Variants in OSBP2 observed in about 807,000 individuals in gnomAD.
OSBP2 encodes oxysterol binding protein 2, also known as oxysterol-binding protein 2.
In OSBP2, 66 loss-of-function variants were observed where a neutral mutation model predicts 96.0. The ratio of observed to expected loss-of-function variants is 0.69; its 90% CI spans 0.56 to 0.84. The LOEUF (loss-of-function observed/expected upper bound fraction) is 0.84, where lower values mean the gene tolerates loss of function less well. Ranked by LOEUF, OSBP2 falls within the 40% of genes least tolerant of loss-of-function variation. OSBP2 has a pLI of 0.00. For missense variants in OSBP2, 1,038 were observed against 1,222.7 expected (o/e 0.85, Z 2.25); for synonymous variants, 525 against 520.9 (o/e 1.01, Z -0.11).
chr22:30,819,912 C>T (rs2091127300), intron 2 of OSBP2, among the ~76,000 whole-genome samples: 1 of 152,230 alleles, frequency 6.6e-6, no homozygotes. Context: ...CTGCCCTCCT[C>T]TTCTTCAGCC....
At chr22:30,778,035 AC>A (rs966311385) in intron 2 of OSBP2, among the ~76,000 whole-genome samples, 4 of 151,992 alleles carry the variant, frequency 2.6e-5, no homozygotes, top group Admixed American at 2.6e-4. Flanking sequence ...TCACTCTGTC[AC>A]CCAGGCTAGA....
intron 12 of OSBP2, among the ~76,000 whole-genome samples, chr22:30,898,129 T>TAAGAGC (rs1410116769): frequency 1.3e-5 from 2 of 151,782 alleles, no homozygotes; most frequent in Non-Finnish European, 2.9e-5. Context: ...ACTTTAAAAA[T>TAAGAGC]AAGAGCAAGA....
chr22:30,829,215 G>T (rs2038468952), intron 2 of OSBP2, among the ~76,000 whole-genome samples: 1 of 152,210 alleles, frequency 6.6e-6, no homozygotes, highest in African/African-American at 2.4e-5. Flanking sequence ...CAGGGCTGCT[G>T]TGGGCTCACT....
At chr22:30,891,212 C>T (rs1030259506) in intron 8 of OSBP2, among the ~76,000 whole-genome samples, 7 of 152,198 alleles carry the variant, frequency 4.6e-5, no homozygotes, top group African/African-American at 1.7e-4. Context: ...CAAGGTCAGG[C>T]CTGGTTGCAG....
rs148714572 is a variant in OSBP2 at position 30,833,203 on chromosome 22, G to C, written c.854-37226G>C. ...AACTGAGGCCTAGAAACACACAACT[G>C]TACAGCTAGGAAGGCATGGAGCCAG... On this transcript the variant is annotated intron_variant, in intron 2 of 13. Transcript: ENST00000332585. Among the ~76,000 whole-genome samples, 319 of 152,256 alleles carry C rather than the reference G, an allele frequency of 2.1e-3. 3 individuals carry two copies. Among genetic ancestry groups the C allele is most frequent in the African/African-American group, 7.4e-3 (308 of 41,546 alleles).
rs889988705 is a variant in OSBP2 at position 30,695,030 on chromosome 22, G to T, written c.121G>T (p.Ala41Ser). 1.9e-6 allele frequency: 3 copies of T among 1,588,834 alleles called. No individual in the cohort carries two copies. Among genetic ancestry groups the T allele is most frequent in the Non-Finnish European group, 2.6e-6 (3 of 1,169,402 alleles). ...SCHTAAPGMS[A>S]STSGSGPEPK... ...CCACACGGCGGCGCCGGGCATGAGC[G>T]CTTCCACGTCCGGCTCCGGGCCGGA... The change falls in exon 1 of 14, where the codon GCT becomes TCT. Residue 41 changes from alanine to serine, a missense_variant. Ala to Ser is a moderately conservative substitution (Grantham distance 99). Around this residue, in one of 3 missense-constraint regions of OSBP2, gnomAD observed 281 missense variants for 273.4 expected, o/e 1.03. Coordinates refer to ENST00000332585, the MANE Select transcript of OSBP2 (RefSeq NM_030758.4).
chr22:30,811,044 C>T (rs1370849709), intron 2 of OSBP2, among the ~76,000 whole-genome samples: 1 of 152,068 alleles, frequency 6.6e-6, no homozygotes, highest in Non-Finnish European at 1.5e-5. Context: ...AAAATTTAGT[C>T]ATCTTTCATG....
intron 2 of OSBP2, among the ~76,000 whole-genome samples, chr22:30,812,134 A>AT (rs2091016483): frequency 6.6e-6 from 1 of 151,992 alleles, no homozygotes; most frequent in African/African-American, 2.4e-5. Flanking sequence ...GATTACAGGC[A>AT]TGAGCCACCA....
chr22:30,722,540 C>T (rs5753286), intron 1 of OSBP2, among the ~76,000 whole-genome samples: 2 of 152,080 alleles, frequency 1.3e-5, no homozygotes, highest in Non-Finnish European at 2.9e-5. Flanking sequence ...AATATCTAGT[C>T]AATACTCAAA....
intron 2 of OSBP2, among the ~76,000 whole-genome samples, chr22:30,847,407 G>A (rs1368045601): frequency 6.6e-6 from 1 of 151,734 alleles, no homozygotes; most frequent in Non-Finnish European, 1.5e-5. Flanking sequence ...TCAGCCTCCC[G>A]AGCAGCTGGG....
rs371219554 is a variant in OSBP2 at position 30,695,479 on chromosome 22, C to G, written c.570C>G (p.Leu190=). 15 of 1,613,396 alleles carry G rather than the reference C, an allele frequency of 9.3e-6. No homozygotes were observed. The highest frequency in any genetic ancestry group is 1.6e-4 in the Middle Eastern group (1 of 6,062). ...LPLDSFEGWL[L]KWTNYLKGYQ... ...TGGACAGCTTCGAGGGCTGGCTTCT[C>G]AAGTGGACCAACTATCTGAAGGGCT... Residue 190 remains leucine (L), a synonymous_variant, in exon 1 of 14, where the codon CTC becomes CTG. Transcript: ENST00000332585.
intron 2 of OSBP2, among the ~76,000 whole-genome samples, chr22:30,777,820 A>G (rs1166943039): frequency 1.3e-5 from 2 of 152,134 alleles, no homozygotes; most frequent in Admixed American, 1.3e-4. Context: ...GGGCTGGTTC[A>G]CACACGTGCT....
intron 1 of OSBP2, among the ~76,000 whole-genome samples, chr22:30,718,468 G>A (rs1417454595): frequency 6.6e-6 from 1 of 152,234 alleles, no homozygotes. Context: ...GAGGAGGAGA[G>A]ATGAGATATA....
At chr22:30,744,702 T>A (rs1227197881) in intron 2 of OSBP2, among the ~76,000 whole-genome samples, 1 of 151,956 alleles carries the variant, frequency 6.6e-6, no homozygotes, top group Non-Finnish European at 1.5e-5. Context: ...CAGAGGTTGC[T>A]GTGAGCCGAG....
intron 2 of OSBP2, among the ~76,000 whole-genome samples, chr22:30,843,454 C>CCT (rs1555919416): frequency 9.6e-6 from 1 of 103,964 alleles, no homozygotes; most frequent in African/African-American, 4.5e-5. Flanking sequence ...TCCCCCCTCC[C>CCT]CCTTGAGCAA....
chr22:30,827,907 G>C (rs976154758), intron 2 of OSBP2, among the ~76,000 whole-genome samples: 1 of 152,236 alleles, frequency 6.6e-6, no homozygotes, highest in Non-Finnish European at 1.5e-5. Context: ...GCTCAAGGAA[G>C]AGAGATGACT....
At chr22:30,799,091 TC>T (rs1337695657) in intron 2 of OSBP2, among the ~76,000 whole-genome samples, 2 of 148,562 alleles carry the variant, frequency 1.3e-5, no homozygotes, top group Admixed American at 1.3e-4. Context: ...CTTCCTTCCT[TC>T]CTTCCTTCCT....
At chr22:30,858,879 C>CAATAATAATATAAT (rs1555921902) in intron 2 of OSBP2, among the ~76,000 whole-genome samples, 1 of 141,402 alleles carries the variant, frequency 7.1e-6, no homozygotes, top group Non-Finnish European at 1.5e-5. Flanking sequence ...GACTCTGTCT[C>CAATAATAATATAAT]AATAATAATA....
In OSBP2 at chr22:30,694,949, G is replaced by A; in HGVS notation, c.40G>A (p.Gly14Ser). The change falls in exon 1 of 14, where the codon GGC becomes AGC. Residue 14 changes from glycine (G) to serine (S), a missense_variant. Around this residue, in one of 3 missense-constraint regions of OSBP2, gnomAD observed 20 missense variants for 36.0 expected, o/e 0.55. Transcript: ENST00000332585. The stretch of plus-strand genomic sequence containing the variant: ...GGCTCCGAGCCGAGGCGGCGGCTGT[G>A]GCGGCCGCTCCCGCGGGCTCTCGTC... Reference protein sequence around the residue: ...AAAPSRGGGCGGRSRGLSSLF... With the variant: ...AAAPSRGGGCSGRSRGLSSLF... 2.0e-6 allele frequency: 3 copies of A among 1,478,662 alleles called. No homozygotes were observed. Among genetic ancestry groups the A allele is most frequent in the Non-Finnish European group, 2.7e-6 (3 of 1,123,604 alleles). The allele number at this position is 1,478,662 out of a possible 1,614,324, so 91.6% of individuals were successfully genotyped here. A position where few individuals can be genotyped will look rare whatever the true frequency, so the allele number is the denominator to read the frequency against.
Sources: allele counts gnomAD v4.1 joint callset (sites outside exome capture counted in the v4.1 genomes callset), GRCh38; gene constraint gnomAD v4.1.1; regional missense constraint gnomAD v4.1.1; transcripts MANE v1.5; gene names NCBI Gene and HGNC (gene_info 2026-07-23, HGNC 2026-07-21).